SLC16A7: variants seen among roughly 807,000 people sequenced by gnomAD.
SLC16A7 encodes the protein monocarboxylate transporter 2.
A neutral mutation model predicts 34.9 loss-of-function variants in SLC16A7; 33 were observed. That is an observed-to-expected ratio of 0.94 (90% CI 0.72 to 1.26). The LOEUF is 1.26. Ranked by LOEUF, SLC16A7 falls within the 50% of genes most tolerant of loss-of-function variation. The pLI is 0.00. For missense variants in SLC16A7, 573 were observed against 578.1 expected, an observed-to-expected ratio of 0.99 and a Z score of 0.09; for synonymous variants, 201 against 206.6, an observed-to-expected ratio of 0.97 and a Z score of 0.23.
rs1883571441 is a variant in SLC16A7, at chr12:59,785,787, T to C, written c.*6108T>C. On this transcript the variant is annotated 3_prime_UTR_variant, in exon 6 of 6. Coordinates refer to ENST00000547379, the MANE Select transcript of SLC16A7 (RefSeq NM_001270623.2). ...TTTCACATGATCAAACAGGATTTTT[T>C]GTTTCTTTTTAATTTAAATATGGCA... 6.6e-6 allele frequency: 1 copy of C among 152,134 alleles called. No individual in the cohort carries two copies. Among genetic ancestry groups the C allele is most frequent in the Non-Finnish European group, 1.5e-5 (1 of 68,018 alleles). 9.4% of individuals were successfully genotyped at this position (152,134 alleles called of 1,614,324 possible).
Position 59,612,830 on chromosome 12 carries a change from A to G in SLC16A7, c.-130+16594A>G, listed in dbSNP as rs555888422. Among the ~76,000 whole-genome samples, 6 of 152,320 alleles carry G rather than the reference A, an allele frequency of 3.9e-5. No individual in the cohort carries two copies. The South Asian group carries it at 1.2e-3, about 32-fold the overall frequency. ...AAGTTCCTCATCTCCATCTGAGACT[A>G]CATCAGCCCAGACTTCATTGTACAT... On this transcript the variant is annotated intron_variant, in intron 1 of 5. Transcript: ENST00000547379.
At chr12:59,671,973 C>A (rs7966913) in intron 2 of SLC16A7, among the ~76,000 whole-genome samples, 4,333 of 4,428 alleles carry the variant, frequency 0.98, 2,123 homozygotes, top group Middle Eastern at 1. Context: ...GTGTATATAT[C>A]CATATATCCG....
chr12:59,738,344 A>G lies in SLC16A7; in HGVS notation c.218-32875A>G, dbSNP rs539007881. Among the ~76,000 whole-genome samples, 4 of 152,330 alleles carry G rather than the reference A, an allele frequency of 2.6e-5. 1 individual carries two copies. In the East Asian group the frequency reaches 5.8e-4, roughly 22 times the overall value. ...CTCCTAACAAAAACATAATTCTTCAAAGCGTATGTGTGAATGATTGTGAAA... is the reference window on the plus strand; with the variant it reads ...CTCCTAACAAAAACATAATTCTTCAGAGCGTATGTGTGAATGATTGTGAAA... On this transcript the variant is annotated intron_variant, in intron 3 of 5. Coordinates refer to ENST00000547379, the MANE Select transcript of SLC16A7 (RefSeq NM_001270623.2).
chr12:59,661,137 G>A (rs1322243214), intron 2 of SLC16A7, among the ~76,000 whole-genome samples: 1 of 152,032 alleles, frequency 6.6e-6, no homozygotes, highest in Non-Finnish European at 1.5e-5. Flanking sequence ...TGAATGTTGG[G>A]AAGGGGAGGG....
intron 1 of SLC16A7, among the ~76,000 whole-genome samples, chr12:59,646,625 G>T (rs940049886): frequency 3.3e-5 from 5 of 152,152 alleles, no homozygotes; most frequent in Non-Finnish European, 5.9e-5. Flanking sequence ...CCCCACAGGG[G>T]CATTGCCTAG....
At chr12:59,691,300 T>A (rs1187158083) in intron 2 of SLC16A7, among the ~76,000 whole-genome samples, 2 of 151,946 alleles carry the variant, frequency 1.3e-5, no homozygotes, top group African/African-American at 4.8e-5. Context: ...TACACTCCAA[T>A]TAGTGGCAGT....
At chr12:59,756,698 C>T (rs28888472) in intron 3 of SLC16A7, among the ~76,000 whole-genome samples, 10 of 136,282 alleles carry the variant, frequency 7.3e-5, no homozygotes, top group African/African-American at 2.1e-4. Context: ...GACAGTGTGG[C>T]GATTCCTCAG....
chr12:59,671,513 C>T (rs918695630), intron 2 of SLC16A7, among the ~76,000 whole-genome samples: 10 of 151,966 alleles, frequency 6.6e-5, no homozygotes, highest in East Asian at 1.9e-4. Flanking sequence ...GCACAATTTT[C>T]CCAAGCAGTT....
intron 1 of SLC16A7, among the ~76,000 whole-genome samples, chr12:59,647,834 G>C (rs1868273576): frequency 1.3e-5 from 2 of 151,976 alleles, no homozygotes; most frequent in South Asian, 4.2e-4. Flanking sequence ...CTTGATGCCG[G>C]GAGTTTGAGA....
intron 1 of SLC16A7, among the ~76,000 whole-genome samples, chr12:59,654,704 C>CAT (rs1555165843): frequency 1.1e-4 from 17 of 151,670 alleles, no homozygotes; most frequent in African/African-American, 2.9e-4. Context: ...CACACACACA[C>CAT]ACACACTCAC....
At position 59,622,915 on chromosome 12, in the gene SLC16A7, T is replaced by C. The variant is rs79679105; in HGVS notation, c.-130+26679T>C. Among the ~76,000 whole-genome samples the C allele has an allele frequency of 8.3e-3, 1,254 of 151,822 alleles. 15 individuals carry two copies. The highest frequency in any genetic ancestry group is 0.029 in the African/African-American group (1,207 of 41,474). On this transcript the variant is annotated intron_variant, in intron 1 of 5. Transcript: ENST00000547379. ...AGCTCCAGCTTTGTTTTTTCATCTA[T>C]GGTGATCCATCTGGTGTTCTTTTTT...
At chr12:59,604,938 C>T (rs1348308628) in intron 1 of SLC16A7, among the ~76,000 whole-genome samples, 2 of 152,192 alleles carry the variant, frequency 1.3e-5, no homozygotes, top group Non-Finnish European at 2.9e-5. Flanking sequence ...GCTCTGCGTC[C>T]TAGGTTCATG....
chr12:59,722,210 G>A (rs1029069656), intron 3 of SLC16A7, among the ~76,000 whole-genome samples: 15 of 151,854 alleles, frequency 9.9e-5, no homozygotes, highest in Non-Finnish European at 2.1e-4. Context: ...CAAAAACATT[G>A]GAGCCATGCT....
chr12:59,720,765 C>T (rs555833748), intron 3 of SLC16A7, among the ~76,000 whole-genome samples: 107 of 152,076 alleles, frequency 7.0e-4, no homozygotes, highest in African/African-American at 2.4e-3. Flanking sequence ...TATCTTCCAC[C>T]GCATTGTTTT....
intron 3 of SLC16A7, among the ~76,000 whole-genome samples, chr12:59,712,152 G>A (rs903031010): frequency 3.3e-5 from 5 of 152,174 alleles, no homozygotes; most frequent in Admixed American, 6.5e-5. Context: ...ACGATACTTA[G>A]GAAATTGTAG....
Position 59,783,528 on chromosome 12 carries a change from C to CA in SLC16A7, c.*3855dup. On this transcript the variant is annotated 3_prime_UTR_variant, in exon 6 of 6. Coordinates refer to ENST00000547379, the MANE Select transcript of SLC16A7 (RefSeq NM_001270623.2). ...AGCAAAGGAAGATAAAATATAGGTA[C>CA]AAAAAAGATACATCCTATATAGTAA... The CA allele has an allele frequency of 6.6e-6, 1 of 151,904 alleles. No individual in the cohort carries two copies. The highest frequency in any genetic ancestry group is 1.5e-5 in the Non-Finnish European group (1 of 67,936). 9.4% of individuals were successfully genotyped at this position (151,904 alleles called of 1,614,324 possible). A position where few individuals can be genotyped will look rare whatever the true frequency, so the allele number is the denominator to read the frequency against.
chr12:59,679,181 C>G (rs542538519), intron 2 of SLC16A7, among the ~76,000 whole-genome samples: 115 of 152,308 alleles, frequency 7.6e-4, no homozygotes, highest in Non-Finnish European at 1.3e-3. Context: ...GGGCTCCTGC[C>G]TGCCTCCAGC....
At chr12:59,705,125 A>G (rs1873417756) in intron 3 of SLC16A7, 107 bp downstream of exon 3, 4 of 728,708 alleles carry the variant, frequency 5.5e-6, no homozygotes, top group Non-Finnish European at 9.3e-6. Context: ...TTTTTATGTT[A>G]TAGTCACTTA....
intron 1 of SLC16A7, among the ~76,000 whole-genome samples, chr12:59,643,333 A>G (rs150558652): frequency 6.6e-6 from 1 of 152,258 alleles, no homozygotes; most frequent in East Asian, 1.9e-4. Flanking sequence ...AGAGTCTCTA[A>G]TATACATATA....
Sources: gnomAD v4.1 joint callset for allele counts (sites outside exome capture counted in the v4.1 genomes callset) on GRCh38, gnomAD v4.1.1 for gene constraint, MANE v1.5 for transcripts, NCBI Gene and HGNC (gene_info 2026-07-23, HGNC 2026-07-21) for gene names.